CCNK: variants seen among roughly 807,000 people sequenced by gnomAD.
CCNK encodes cyclin-K.
Under a neutral mutation model 65.0 loss-of-function variants are expected in CCNK, and 9 were observed. The observed-to-expected ratio is 0.14, with a 90% CI of 0.08 to 0.24. The LOEUF is 0.24. CCNK is among the 10% of genes least tolerant of loss of function. CCNK has a pLI of 1.00. For missense variants in CCNK, 474 were observed against 720.0 expected, an observed-to-expected ratio of 0.66 and a Z score of 3.91; for synonymous variants, 279 against 270.8, an observed-to-expected ratio of 1.03 and a Z score of -0.30.
intron 4 of CCNK, among the ~76,000 whole-genome samples, chr14:99,499,905 T>G (rs867628382): frequency 3.3e-5 from 5 of 152,332 alleles, no homozygotes; most frequent in Middle Eastern, 6.8e-3. Context: ...GAGTTTCCAA[T>G]GAGAATATTA....
intron 3 of CCNK, chr14:99,493,929 A>G (rs986628669): frequency 2.0e-5 from 4 of 198,254 alleles, no homozygotes; most frequent in African/African-American, 4.6e-5. Context: ...TGTCTATGCC[A>G]TATCACTCAT....
chr14:99,508,802 T>C (rs1897040574), intron 10 of CCNK: 1 of 152,452 alleles, frequency 6.6e-6, no homozygotes, highest in African/African-American at 2.4e-5. Flanking sequence ...GGGTCGAGTG[T>C]TGGAAAAGTT....
At chr14:99,483,710 AT>A (rs1356730839) in intron 1 of CCNK, among the ~76,000 whole-genome samples, 2 of 152,252 alleles carry the variant, frequency 1.3e-5, no homozygotes, top group African/African-American at 4.8e-5. Flanking sequence ...TTAAATGTGC[AT>A]TGGATAAGGT....
chr14:99,495,747 G>A, intron 4 of CCNK, 118 bp downstream of exon 4: 2 of 856,380 alleles, frequency 2.3e-6, no homozygotes, highest in Non-Finnish European at 3.4e-6. Context: ...GAGTTCCTAA[G>A]AGGGCCTTCT....
chr14:99,510,208 C>T lies in CCNK; in HGVS notation c.1169C>T (p.Pro390Leu), dbSNP rs1897087096. ...AALGEAEPPG[P>L]VDATDLPKVQ... ...TTAGGTGAGGCTGAGCCGCCGGGCC[C>T]TGTGGATGCCACTGACCTCCCCAAA... The change falls in exon 11 of 11, where the codon CCT (proline) becomes CTT (leucine). Residue 390 changes from proline to leucine, a missense_variant. Around this residue, in one of 6 missense-constraint regions of CCNK, gnomAD observed 229 missense variants for 275.5 expected, o/e 0.83. Coordinates refer to ENST00000389879, the MANE Select transcript of CCNK (RefSeq NM_001099402.2). The T allele has an allele frequency of 2.5e-6, 4 of 1,597,440 alleles. No individual in the cohort carries two copies. The highest frequency in any genetic ancestry group is 2.7e-5 in the African/African-American group (2 of 74,626).
chr14:99,510,883 G>A lies in CCNK; in HGVS notation c.*101G>A, dbSNP rs549815043. 9 of 1,018,024 alleles carry A rather than the reference G, an allele frequency of 8.8e-6. No homozygotes were observed. Among genetic ancestry groups the A allele is most frequent in the South Asian group, 7.1e-5 (2 of 28,312 alleles). The allele number at this position is 1,018,024 out of a possible 1,614,324, so 63.1% of individuals were successfully genotyped here. A position where few individuals can be genotyped will look rare whatever the true frequency, so the allele number is the denominator to read the frequency against. ...CAGCAGGGTACCTTGTATAATGCACGACAGTTGCAGTATGGGAAGAATGGA... is the reference window on the plus strand; with the variant it reads ...CAGCAGGGTACCTTGTATAATGCACAACAGTTGCAGTATGGGAAGAATGGA... On this transcript the variant is annotated 3_prime_UTR_variant, in exon 11 of 11. Transcript: ENST00000389879.
intron 8 of CCNK, chr14:99,503,320 T>G (rs1896888371): frequency 1.7e-6 from 1 of 603,138 alleles, no homozygotes; most frequent in Non-Finnish European, 3.0e-6. Flanking sequence ...CCCCAAACAG[T>G]GGACCGTTTC....
chr14:99,484,314 G>A (rs531945682), intron 1 of CCNK, among the ~76,000 whole-genome samples: 1 of 152,306 alleles, frequency 6.6e-6, no homozygotes, highest in East Asian at 1.9e-4. Flanking sequence ...ATGCTGCAAC[G>A]CAGCAGACAC....
Position 99,512,220 on chromosome 14 carries a change from G to A in CCNK, c.*1438G>A, listed in dbSNP as rs1315572404. On this transcript the variant is annotated 3_prime_UTR_variant, in exon 11 of 11. Coordinates refer to ENST00000389879, the MANE Select transcript of CCNK (RefSeq NM_001099402.2). ...AGGTAGAAACAGGCCGGGAGTCCAC[G>A]GGCTCCCAGCTCTAAACGGCGCCAG... The A allele has an allele frequency of 6.6e-6, 1 of 152,086 alleles. No individual in the cohort carries two copies. Among genetic ancestry groups the A allele is most frequent in the Non-Finnish European group, 1.5e-5 (1 of 68,010 alleles). The allele number at this position is 152,086 out of a possible 1,614,324, so 9.4% of individuals were successfully genotyped here. A position where few individuals can be genotyped will look rare whatever the true frequency, so the allele number is the denominator to read the frequency against.
chr14:99,495,797 A>T (rs1896688409), intron 4 of CCNK, among the ~76,000 whole-genome samples, 168 bp downstream of exon 4: 1 of 152,166 alleles, frequency 6.6e-6, no homozygotes, highest in Non-Finnish European at 1.5e-5. Flanking sequence ...AGGAGGGAAG[A>T]TCGTGTAGCC....
In CCNK at chr14:99,502,335, G is replaced by T. The variant is rs1896852611; in HGVS notation, c.704G>T (p.Trp235Leu). 1 of 1,613,632 alleles carries T rather than the reference G, an allele frequency of 6.2e-7. No individual in the cohort carries two copies. The highest frequency in any genetic ancestry group is 1.7e-5 in the Admixed American group (1 of 59,962). ...TCCAAACCCATGTATAGGAGATGGT[G>T]GGAGCAGTTTGTTCAAGATGTCCCG... Reference protein sequence around the residue: ...WTSKPMYRRWWEQFVQDVPVD... With the variant: ...WTSKPMYRRWLEQFVQDVPVD... Residue 235 changes from tryptophan (W) to leucine (L), a missense_variant, in exon 7 of 11, where the codon TGG becomes TTG. Transcript: ENST00000389879.
At chr14:99,488,921 T>A (rs1896545833) in intron 1 of CCNK, among the ~76,000 whole-genome samples, 1 of 151,964 alleles carries the variant, frequency 6.6e-6, no homozygotes, top group Non-Finnish European at 1.5e-5. Context: ...GTCTTTTTTT[T>A]TTTTTTCCCT....
chr14:99,502,072 T>G, intron 6 of CCNK, 135 bp from the exon 7 acceptor site: 1 of 977,366 alleles, frequency 1.0e-6, no homozygotes, highest in Non-Finnish European at 1.4e-6. Context: ...GACTTGAGTT[T>G]ATTTATTTAT....
rs964642036 is a variant in CCNK at position 99,510,916 on chromosome 14, C to T, written c.*134C>T. On this transcript the variant is annotated 3_prime_UTR_variant, in exon 11 of 11. Coordinates refer to ENST00000389879, the MANE Select transcript of CCNK (RefSeq NM_001099402.2). ...CAGTATGGGAAGAATGGACCGGGCC[C>T]CTGGGATAAAATCAGAGTGGTCCTC... The T allele has an allele frequency of 2.5e-6, 2 of 801,160 alleles. No individual in the cohort carries two copies. The highest frequency in any genetic ancestry group is 7.6e-5 in the Admixed American group (2 of 26,170). 49.6% of individuals were successfully genotyped at this position (801,160 alleles called of 1,614,324 possible).
intron 1 of CCNK, among the ~76,000 whole-genome samples, chr14:99,485,581 T>C (rs1896464396): frequency 6.6e-6 from 1 of 152,220 alleles, no homozygotes; most frequent in South Asian, 2.1e-4. Context: ...TTGTTTTTAC[T>C]GGCTGCAGAC....
intron 5 of CCNK, 64 bp downstream of exon 5, chr14:99,500,935 ACT>A: frequency 2.0e-6 from 2 of 982,668 alleles, no homozygotes; most frequent in Non-Finnish European, 3.1e-6. Context: ...ATTTGATGAC[ACT>A]CAAATTACGC....
chr14:99,500,280 A>G (rs530573814), intron 4 of CCNK: 42 of 157,790 alleles, frequency 2.7e-4, no homozygotes, highest in Non-Finnish European at 5.0e-4. Context: ...ATATGTGTAC[A>G]TGAGTATATA....
intron 1 of CCNK, among the ~76,000 whole-genome samples, chr14:99,485,368 C>G (rs1896459003): frequency 6.6e-6 from 1 of 152,124 alleles, no homozygotes; most frequent in African/African-American, 2.4e-5. Flanking sequence ...ATTATACTTC[C>G]TAGAGAATAT....
At chr14:99,499,418 A>G (rs1424789293) in intron 4 of CCNK, among the ~76,000 whole-genome samples, 1 of 152,214 alleles carries the variant, frequency 6.6e-6, no homozygotes, top group Non-Finnish European at 1.5e-5. Flanking sequence ...TAAGATTGAA[A>G]AACCTTAGTC....
Sources: gnomAD v4.1 joint callset for allele counts (sites outside exome capture counted in the v4.1 genomes callset) on GRCh38, gnomAD v4.1.1 for gene constraint, gnomAD v4.1.1 regional missense constraint, MANE v1.5 for transcripts, NCBI Gene and HGNC (gene_info 2026-07-23, HGNC 2026-07-21) for gene names.